Variants in SORCS3 observed in about 807,000 individuals in gnomAD.
SORCS3 encodes VPS10 domain-containing receptor SorCS3.
A neutral mutation model predicts 146.3 loss-of-function variants in SORCS3; 57 were observed. The ratio of observed to expected loss-of-function variants is 0.39; its 90% CI spans 0.31 to 0.49. The LOEUF is 0.49. SORCS3 is among the 20% of genes least tolerant of loss of function. The pLI, the probability that SORCS3 is intolerant of heterozygous loss-of-function variation, is 0.92. For missense variants in SORCS3, 1,341 were observed against 1,575.5 expected (o/e 0.85, Z 2.52); for synonymous variants, 653 against 618.5 (o/e 1.06, Z -0.83).
Position 104,894,264 on chromosome 10 carries a change from T to G in SORCS3, c.696-21569T>G, listed in dbSNP as rs544137089. ...AGTGTTAGAGGAGGGAAAAAGGCAT[T>G]GCTCTTTTCAGTATTCTTCATCTAC... On this transcript the variant is annotated intron_variant, in intron 2 of 26. Transcript: ENST00000369701. Among the ~76,000 whole-genome samples the G allele has an allele frequency of 1.1e-4, 17 of 152,346 alleles. No homozygotes were observed. In the South Asian group the frequency reaches 3.5e-3, roughly 32 times the overall value.
At chr10:104,987,379 A>C (rs990399581) in intron 4 of SORCS3, among the ~76,000 whole-genome samples, 1 of 152,116 alleles carries the variant, frequency 6.6e-6, no homozygotes, top group African/African-American at 2.4e-5. Context: ...CATTGCTTTC[A>C]TAATTAAAAA....
intron 6 of SORCS3, among the ~76,000 whole-genome samples, chr10:105,099,271 C>T (rs2055767171): frequency 6.6e-6 from 1 of 152,094 alleles, no homozygotes. Context: ...GGGTATTTCT[C>T]TAAGAGAAGG....
chr10:105,110,071 C>A (rs1019331120), intron 7 of SORCS3, among the ~76,000 whole-genome samples: 2 of 151,966 alleles, frequency 1.3e-5, no homozygotes, highest in African/African-American at 2.4e-5. Context: ...CCCATCCCAA[C>A]CCTTTTTTAC....
At chr10:104,707,011 C>T (rs2016345071) in intron 1 of SORCS3, among the ~76,000 whole-genome samples, 1 of 151,980 alleles carries the variant, frequency 6.6e-6, no homozygotes, top group African/African-American at 2.4e-5. Flanking sequence ...GTGGGGGTTG[C>T]TTAAATTAAT....
rs139871483 is a variant in SORCS3, at chr10:105,131,578, C to T, written c.1213-7819C>T. Among the ~76,000 whole-genome samples the T allele has an allele frequency of 1.9e-4, 29 of 152,160 alleles. No homozygotes were observed. In the East Asian group the frequency reaches 4.3e-3, roughly 22 times the overall value. ...CTCACATAGAAACATCTGCCTTGGC[C>T]GTGGGTGCATTAGTCTGTTCTTGCA... On this transcript the variant is annotated intron_variant, in intron 7 of 26. Transcript: ENST00000369701.
rs759849016 is a variant in SORCS3 at position 104,644,671 on chromosome 10, T to A, written c.627+2717T>A. Among the ~76,000 whole-genome samples the A allele has an allele frequency of 2.0e-5, 3 of 152,338 alleles. No individual in the cohort carries two copies. The East Asian group carries it at 5.8e-4, about 29-fold the overall frequency. On this transcript the variant is annotated intron_variant, in intron 1 of 26. Transcript: ENST00000369701. Reference sequence around the variant, plus strand: ...CATGGGGCCTAGCTCCAGGCTCTTATGACGTGGAAAGAGAATTTTATCTTT... The same window carrying A: ...CATGGGGCCTAGCTCCAGGCTCTTAAGACGTGGAAAGAGAATTTTATCTTT...
chr10:104,825,209 G>A (rs1589513679), intron 1 of SORCS3, among the ~76,000 whole-genome samples: 1 of 152,154 alleles, frequency 6.6e-6, no homozygotes, highest in East Asian at 1.9e-4. Flanking sequence ...AGGGAAAAAG[G>A]AAGGAACCTA....
At chr10:104,865,562 C>G (rs780366669) in intron 2 of SORCS3, among the ~76,000 whole-genome samples, 3 of 152,186 alleles carry the variant, frequency 2.0e-5, no homozygotes, top group Non-Finnish European at 2.9e-5. Context: ...GGAAAGCAGA[C>G]ACCCTCAAAA....
chr10:104,822,093 C>T (rs144768688), intron 1 of SORCS3: 63 of 518,394 alleles, frequency 1.2e-4, no homozygotes, highest in Admixed American at 9.3e-4. Context: ...TGGAGTCTGA[C>T]CAGCTCCTCT....
Position 105,178,118 on chromosome 10 carries a change from C to T in SORCS3, c.1954C>T (p.Pro652Ser), listed in dbSNP as rs868293553. 6.2e-7 allele frequency: 1 copy of T among 1,613,548 alleles called. No individual in the cohort carries two copies. The highest frequency in any genetic ancestry group is 8.5e-7 in the Non-Finnish European group (1 of 1,179,758). The part of the protein sequence containing the change: ...SWDKYGFTSV[P>S]LFVDGALVEA... ...GGACAAGTATGGTTTCACTTCGGTT[C>T]CTCTCTTTGTTGACGGGGCTCTGGT... The change falls in exon 14 of 27, where the codon CCT (proline) becomes TCT (serine). Residue 652 changes from proline to serine, a missense_variant. Coordinates refer to ENST00000369701, the MANE Select transcript of SORCS3 (RefSeq NM_014978.3).
chr10:105,159,264 CTG>C (rs1263929991), intron 11 of SORCS3, among the ~76,000 whole-genome samples: 4 of 152,180 alleles, frequency 2.6e-5, no homozygotes, highest in Admixed American at 1.3e-4. Context: ...TCAAAGTAAA[CTG>C]ACCAATCAGA....
intron 1 of SORCS3, among the ~76,000 whole-genome samples, chr10:104,702,117 T>C (rs2016286465): frequency 6.6e-6 from 1 of 152,172 alleles, no homozygotes; most frequent in South Asian, 2.1e-4. Context: ...ACTTGGCTCA[T>C]GGGCAGTAGT....
At chr10:105,115,465 A>G (rs553383938) in intron 7 of SORCS3, among the ~76,000 whole-genome samples, 46 of 152,290 alleles carry the variant, frequency 3.0e-4, no homozygotes, top group African/African-American at 1.0e-3. Flanking sequence ...CTTTTCTCCA[A>G]ATTCGTTTTT....
At chr10:105,044,732 A>G (rs961377743) in intron 5 of SORCS3, among the ~76,000 whole-genome samples, 1 of 151,418 alleles carries the variant, frequency 6.6e-6, no homozygotes, top group African/African-American at 2.4e-5. Flanking sequence ...TTCTTTGTAC[A>G]TGGTTCGGAG....
At chr10:104,850,040 C>T (rs766343188) in intron 2 of SORCS3, among the ~76,000 whole-genome samples, 1 of 152,204 alleles carries the variant, frequency 6.6e-6, no homozygotes, top group African/African-American at 2.4e-5. Flanking sequence ...TTTTCAATTT[C>T]TTCAACACAG....
rs192246060 is a variant in SORCS3 at position 105,008,576 on chromosome 10, C to T, written c.954+31083C>T. On this transcript the variant is annotated intron_variant, in intron 4 of 26. Transcript: ENST00000369701. ...ATGTTGTTAGAGGATGCTGTCCACTCTACTGAATATTACTGAAACTATAAT... is the reference window on the plus strand; with the variant it reads ...ATGTTGTTAGAGGATGCTGTCCACTTTACTGAATATTACTGAAACTATAAT... Among the ~76,000 whole-genome samples, 268 of 152,286 alleles carry T rather than the reference C, an allele frequency of 1.8e-3. 3 individuals carry two copies. Among genetic ancestry groups the T allele is most frequent in the African/African-American group, 6.3e-3 (260 of 41,580 alleles).
intron 14 of SORCS3, among the ~76,000 whole-genome samples, chr10:105,193,973 G>GA (rs2056531045): frequency 6.6e-6 from 1 of 152,098 alleles, no homozygotes; most frequent in Non-Finnish European, 1.5e-5. Flanking sequence ...ATACTCTCAT[G>GA]AAAAATCCAA....
At chr10:105,146,540 GT>G (rs2056132448) in intron 8 of SORCS3, among the ~76,000 whole-genome samples, 1 of 152,020 alleles carries the variant, frequency 6.6e-6, no homozygotes, top group South Asian at 2.1e-4. Flanking sequence ...AGAGACTCTG[GT>G]TTTTGGTACA....
At chr10:104,945,343 C>T (rs879632572) in intron 3 of SORCS3, among the ~76,000 whole-genome samples, 15 of 152,050 alleles carry the variant, frequency 9.9e-5, no homozygotes, top group African/African-American at 2.9e-4. Flanking sequence ...CTGCAACCTC[C>T]ACCTCCTGGG....
Sources: gnomAD v4.1 joint callset for allele counts (sites outside exome capture counted in the v4.1 genomes callset) on GRCh38, gnomAD v4.1.1 for gene constraint, MANE v1.5 for transcripts, NCBI Gene and HGNC (gene_info 2026-07-23, HGNC 2026-07-21) for gene names.